Variants in AK3 observed in about 807,000 individuals in gnomAD.
The protein encoded by AK3 is GTP:AMP phosphotransferase AK3, mitochondrial.
A neutral mutation model predicts 23.7 loss-of-function variants in AK3; 27 were observed. That is an observed-to-expected ratio of 1.14 (90% CI 0.84 to 1.57). The LOEUF (loss-of-function observed/expected upper bound fraction) is 1.57. AK3 is among the 40% of genes most tolerant of loss of function. The pLI is 0.00. For synonymous variants in AK3, 159 were observed against 116.0 expected (o/e 1.37, Z -2.38); for missense variants, 406 against 285.6 (o/e 1.42, Z -3.04).
chr9:4,722,423 C>T, intron 2 of AK3, 83 bp downstream of exon 2: 1 of 1,589,502 alleles, frequency 6.3e-7, no homozygotes, highest in Non-Finnish European at 8.6e-7. Flanking sequence ...TCCTTGACGT[C>T]TGTCTGAAGC....
chr9:4,725,081 G>C lies in AK3; in HGVS notation c.152-2456C>G, dbSNP rs1403406804. 4.9e-5 allele frequency among the ~76,000 whole-genome samples: 7 copies of C among 141,594 alleles called. 1 individual carries two copies. The East Asian group carries it at 1.1e-3, about 21-fold the overall frequency. The allele number at this position is 141,594 out of a possible 152,430, so 92.9% of individuals were successfully genotyped here. A position where few individuals can be genotyped will look rare whatever the true frequency, so the allele number is the denominator to read the frequency against. ...CTTGTCACCCAGGCTAAAGTGCAAT[G>C]ATGTAATCTTGGCTCACTGCAACCT... On this transcript the variant is annotated intron_variant, in intron 1 of 4. Coordinates refer to ENST00000381809, the MANE Select transcript of AK3 (RefSeq NM_016282.4).
At chr9:4,737,999 A>G (rs541297951) in intron 1 of AK3, among the ~76,000 whole-genome samples, 1 of 152,326 alleles carries the variant, frequency 6.6e-6, no homozygotes, top group East Asian at 1.9e-4. Flanking sequence ...TGATAGTACC[A>G]TATTTGTAGA....
At position 4,709,749 on chromosome 9, in the gene AK3, A is replaced by G. The variant is rs909173321; in HGVS notation, c.*3227T>C. On this transcript the variant is annotated 3_prime_UTR_variant, in exon 5 of 5. Coordinates refer to ENST00000381809, the MANE Select transcript of AK3 (RefSeq NM_016282.4). ...AAAAATTTTTTAACCATAACTTCCA[A>G]GATGAAAATCTTTAACTGCAAAGAT... The G allele has an allele frequency of 6.6e-6, 1 of 152,236 alleles. No individual in the cohort carries two copies. Among genetic ancestry groups the G allele is most frequent in the South Asian group, 2.1e-4 (1 of 4,832 alleles). 9.4% of individuals were successfully genotyped at this position (152,236 alleles called of 1,614,324 possible). A position where few individuals can be genotyped will look rare whatever the true frequency, so the allele number is the denominator to read the frequency against.
At chr9:4,730,910 T>G (rs887577605) in intron 1 of AK3, among the ~76,000 whole-genome samples, 1 of 152,162 alleles carries the variant, frequency 6.6e-6, no homozygotes, top group Non-Finnish European at 1.5e-5. Context: ...GGAAGTTACA[T>G]GAGTTTTTAT....
chr9:4,715,387 A>T (rs1036603013), intron 4 of AK3, among the ~76,000 whole-genome samples: 1 of 124,828 alleles, frequency 8.0e-6, no homozygotes, highest in African/African-American at 3.8e-5. Flanking sequence ...AACTTCCCTT[A>T]CTACTTTTTT....
chr9:4,728,502 C>T (rs184226840), intron 1 of AK3, among the ~76,000 whole-genome samples: 350 of 152,164 alleles, frequency 2.3e-3, no homozygotes, highest in African/African-American at 7.9e-3. Flanking sequence ...ACCTGGGAGG[C>T]GGAGGTTTCA....
chr9:4,735,480 T>TA lies in AK3; in HGVS notation c.151+5456_151+5457insT, dbSNP rs1563798723. Among the ~76,000 whole-genome samples, 121 of 60,506 alleles carry TA rather than the reference T, an allele frequency of 2.0e-3. 11 individuals carry two copies. Among genetic ancestry groups the TA allele is most frequent in the Non-Finnish European group, 2.8e-3 (94 of 33,554 alleles). The allele number at this position is 60,506 out of a possible 152,430, so 39.7% of individuals were successfully genotyped here. The stretch of plus-strand genomic sequence containing the variant: ...ATAGTATATGTGTATATATATATAT[T>TA]TTTTTTTTTTTTTTGGAAACAGAGT... On this transcript the variant is annotated intron_variant, in intron 1 of 4. Coordinates refer to ENST00000381809, the MANE Select transcript of AK3 (RefSeq NM_016282.4).
chr9:4,734,895 T>A (rs1842234080), intron 1 of AK3, among the ~76,000 whole-genome samples: 1 of 152,084 alleles, frequency 6.6e-6, no homozygotes, highest in African/African-American at 2.4e-5. Context: ...AAGAAGCCAG[T>A]CAGAAAAGAC....
At chr9:4,713,402 T>G (rs1841615066) in intron 4 of AK3, among the ~76,000 whole-genome samples, 1 of 152,202 alleles carries the variant, frequency 6.6e-6, no homozygotes, top group African/African-American at 2.4e-5. Flanking sequence ...TATAGTTTGT[T>G]TAATCCTTTC....
intron 1 of AK3, among the ~76,000 whole-genome samples, chr9:4,737,972 C>G (rs1434529192): frequency 6.6e-6 from 1 of 152,124 alleles, no homozygotes; most frequent in Non-Finnish European, 1.5e-5. Flanking sequence ...TTGGCACAAT[C>G]CTTCTGTTGT....
chr9:4,719,601 A>G (rs954003112), intron 2 of AK3, among the ~76,000 whole-genome samples: 1 of 152,174 alleles, frequency 6.6e-6, no homozygotes, highest in Non-Finnish European at 1.5e-5. Context: ...GATAAAGTAC[A>G]TTGCCCTTCT....
At chr9:4,736,491 C>A (rs1211051113) in intron 1 of AK3, among the ~76,000 whole-genome samples, 5 of 144,696 alleles carry the variant, frequency 3.5e-5, no homozygotes, top group African/African-American at 5.1e-5. Flanking sequence ...AAAAAAACAA[C>A]TCCGCTTTGC....
chr9:4,717,289 G>C (rs1266595375), intron 4 of AK3, among the ~76,000 whole-genome samples: 1 of 152,218 alleles, frequency 6.6e-6, no homozygotes, highest in East Asian at 1.9e-4. Flanking sequence ...TCCTCTGTAA[G>C]AAGCAGGAAG....
chr9:4,713,791 G>C (rs1030941526), intron 4 of AK3, among the ~76,000 whole-genome samples: 3 of 151,812 alleles, frequency 2.0e-5, no homozygotes, highest in African/African-American at 7.3e-5. Context: ...GGATAACATG[G>C]TGAAGAGTGA....
chr9:4,719,457 C>T lies in AK3; in HGVS notation c.272-150G>A, dbSNP rs1353556249. On this transcript the variant is annotated intron_variant, in intron 2 of 4. Coordinates refer to ENST00000381809, the MANE Select transcript of AK3 (RefSeq NM_016282.4). ...TGAGGCTCACCAGGCAGGCCGATCA[C>T]AGCTGCGGTGCAACTGTGATGGTTA... 36 of 726,976 alleles carry T rather than the reference C, an allele frequency of 5.0e-5. No individual in the cohort carries two copies. The South Asian group carries it at 7.1e-4, about 14-fold the overall frequency. 45.0% of individuals were successfully genotyped at this position (726,976 alleles called of 1,614,324 possible). A position where few individuals can be genotyped will look rare whatever the true frequency, so the allele number is the denominator to read the frequency against.
At chr9:4,724,477 A>G (rs1841975737) in intron 1 of AK3, among the ~76,000 whole-genome samples, 2 of 152,226 alleles carry the variant, frequency 1.3e-5, no homozygotes, top group South Asian at 2.1e-4. Context: ...TGCCACTTCT[A>G]TACAATATTA....
intron 1 of AK3, among the ~76,000 whole-genome samples, chr9:4,723,787 G>C (rs1403769348): frequency 6.6e-6 from 1 of 152,114 alleles, no homozygotes; most frequent in African/African-American, 2.4e-5. Flanking sequence ...CATTTAAATT[G>C]TGTAAATTAG....
intron 1 of AK3, 79 bp from the exon 2 acceptor site, chr9:4,722,704 A>G: frequency 6.3e-7 from 1 of 1,583,188 alleles, no homozygotes; most frequent in Non-Finnish European, 8.6e-7. Context: ...AGTTGCCTAA[A>G]GGGGAAGTCT....
At chr9:4,738,138 T>C (rs547703847) in intron 1 of AK3, among the ~76,000 whole-genome samples, 2 of 152,316 alleles carry the variant, frequency 1.3e-5, no homozygotes, top group Non-Finnish European at 2.9e-5. Flanking sequence ...AATAAAAATG[T>C]TTAATAACTA....
Sources: gnomAD v4.1 joint callset for allele counts (sites outside exome capture counted in the v4.1 genomes callset) on GRCh38, gnomAD v4.1.1 for gene constraint, MANE v1.5 for transcripts, NCBI Gene and HGNC (gene_info 2026-07-23, HGNC 2026-07-21) for gene names.